CNOT1: variants seen among roughly 807,000 people sequenced by gnomAD.
CNOT1 encodes CCR4-NOT transcription complex subunit 1, also known as CCR4-associated factor 1.
Under a neutral mutation model 273.8 loss-of-function variants are expected in CNOT1, and 15 were observed. The ratio of observed to expected loss-of-function variants is 0.05; its 90% CI spans 0.04 to 0.08. CNOT1 has a LOEUF of 0.08. CNOT1 is among the 10% of genes least tolerant of loss of function. The pLI is 1.00. For missense variants in CNOT1, 1,644 were observed against 2,912.2 expected (o/e 0.56, Z 10.02); for synonymous variants, 1,022 against 1,005.5 (o/e 1.02, Z -0.31).
intron 38 of CNOT1, 74 bp downstream of exon 38, chr16:58,537,817 A>G: frequency 6.4e-7 from 1 of 1,572,838 alleles, no homozygotes; most frequent in Non-Finnish European, 8.7e-7. Context: ...AATGTTAGTA[A>G]GTCTGCATAT....
chr16:58,537,275 G>A (rs1423047137), intron 38 of CNOT1, 55 bp from the exon 39 acceptor site: 20 of 1,530,120 alleles, frequency 1.3e-5, no homozygotes, highest in Non-Finnish European at 1.8e-5. Context: ...TGATTTTACA[G>A]ACATACGCAT....
intron 31 of CNOT1, chr16:58,543,265 C>G: frequency 6.5e-7 from 1 of 1,544,144 alleles, no homozygotes; most frequent in Non-Finnish European, 8.7e-7. Context: ...CATTTTGTAT[C>G]GGCCTTCTCA....
In CNOT1 at chr16:58,530,608, T is replaced by C. The variant is rs186379029; in HGVS notation, c.6178-261A>G. ...GACCAGCCTGGCCAACATATTGAAA[T>C]CCTGTCTCAACTAAGAATACAAAAA... On this transcript the variant is annotated intron_variant, in intron 42 of 48. Transcript: ENST00000317147. The C allele has an allele frequency of 1.0e-3, 250 of 240,552 alleles. 3 individuals carry two copies. The East Asian group carries it at 0.018, about 17-fold the overall frequency. 14.9% of individuals were successfully genotyped at this position (240,552 alleles called of 1,614,324 possible).
Position 58,531,976 on chromosome 16 carries a change from T to G in CNOT1, c.6159A>C (p.Ala2053=), listed in dbSNP as rs1310202474. The change falls in exon 42 of 49, where the codon GCA becomes GCC. Residue 2053 remains alanine, a synonymous_variant. Coordinates refer to ENST00000317147, the MANE Select transcript of CNOT1 (RefSeq NM_016284.5). ...SHRIFIARML[A]HTPQQKGWPM... ...GCCACACCTTCTGCTGTGGCGTATGTGCCAGCATTCTTGCAATAAATATCC... is the reference window on the plus strand; with the variant it reads ...GCCACACCTTCTGCTGTGGCGTATGGGCCAGCATTCTTGCAATAAATATCC... 1 of 1,614,178 alleles carries G rather than the reference T, an allele frequency of 6.2e-7. No individual in the cohort carries two copies. Among genetic ancestry groups the G allele is most frequent in the Admixed American group, 1.7e-5 (1 of 60,028 alleles).
chr16:58,607,262 G>A (rs1223669756), intron 1 of CNOT1, among the ~76,000 whole-genome samples: 1 of 152,184 alleles, frequency 6.6e-6, no homozygotes, highest in African/African-American at 2.4e-5. Context: ...GTCAGAGCAT[G>A]AAAGATGGCT....
chr16:58,581,581 G>A, intron 10 of CNOT1, 66 bp from the exon 11 acceptor site: 1 of 1,454,212 alleles, frequency 6.9e-7, no homozygotes, highest in Non-Finnish European at 9.1e-7. Context: ...TTATCCAAAA[G>A]GCCAAATTAA....
intron 35 of CNOT1, 113 bp from the exon 36 acceptor site, chr16:58,539,027 T>C: frequency 6.9e-7 from 1 of 1,449,462 alleles, no homozygotes; most frequent in Non-Finnish European, 9.2e-7. Flanking sequence ...AAAGCCTCCC[T>C]GTCCTTTCCA....
intron 1 of CNOT1, among the ~76,000 whole-genome samples, chr16:58,602,104 T>G (rs375029608): frequency 6.6e-6 from 1 of 152,034 alleles, no homozygotes; most frequent in Admixed American, 6.6e-5. Flanking sequence ...GTTTCGCTCT[T>G]GTTTCCCAGG....
chr16:58,567,349 G>A (rs1471886206), intron 16 of CNOT1, among the ~76,000 whole-genome samples: 3 of 151,952 alleles, frequency 2.0e-5, no homozygotes, highest in Non-Finnish European at 4.4e-5. Context: ...CTGGCCGGGC[G>A]TGGTGGCTCA....
At chr16:58,524,248 G>GT (rs2039506943) in intron 46 of CNOT1, among the ~76,000 whole-genome samples, 1 of 37,840 alleles carries the variant, frequency 2.6e-5, no homozygotes, top group Admixed American at 3.6e-4. Flanking sequence ...AGACTCTATC[G>GT]CAAAAAAAAA....
chr16:58,581,237 T>A, intron 11 of CNOT1, 108 bp downstream of exon 11: 1 of 1,308,602 alleles, frequency 7.6e-7, no homozygotes. Flanking sequence ...GTGCTATGTA[T>A]AACAAATTCT....
chr16:58,623,270 T>C (rs987557132), intron 1 of CNOT1: 8 of 152,232 alleles, frequency 5.3e-5, no homozygotes, highest in African/African-American at 1.7e-4. Flanking sequence ...TAATATTTAT[T>C]GTGAGATATA....
chr16:58,549,924 G>T (rs1362201237), intron 24 of CNOT1, 26 bp from the exon 25 acceptor site: 2 of 1,612,390 alleles, frequency 1.2e-6, no homozygotes, highest in Admixed American at 1.7e-5. Context: ...GACATGGGAA[G>T]CACAGAATTA....
chr16:58,559,016 C>A (rs1008429437), intron 17 of CNOT1, among the ~76,000 whole-genome samples: 10 of 152,178 alleles, frequency 6.6e-5, no homozygotes, highest in African/African-American at 1.2e-4. Flanking sequence ...GGGGATGGGA[C>A]CCATGTCAAA....
intron 12 of CNOT1, among the ~76,000 whole-genome samples, chr16:58,579,684 C>T (rs1162202696): frequency 6.6e-6 from 1 of 152,080 alleles, no homozygotes; most frequent in Non-Finnish European, 1.5e-5. Context: ...ATTGAAGATA[C>T]ATTATGAACT....
In CNOT1 at chr16:58,530,237, G is replaced by A. The variant is rs746866648; in HGVS notation, c.6279+9C>T. The A allele has an allele frequency of 6.4e-7, 1 of 1,572,410 alleles. No homozygotes were observed. Among genetic ancestry groups the A allele is most frequent in the African/African-American group, 1.4e-5 (1 of 74,008 alleles). On this transcript the variant is annotated intron_variant, in intron 43 of 48. Coordinates refer to ENST00000317147, the MANE Select transcript of CNOT1 (RefSeq NM_016284.5). ...TTATTTTAATTTATAATAAATCCAA[G>A]TTAATTACCTTGTAGAGGATTTGCA...
chr16:58,599,463 C>T lies in CNOT1; in HGVS notation c.-126G>A, dbSNP rs984709643. On this transcript the variant is annotated 5_prime_UTR_variant, in exon 2 of 49. Coordinates refer to ENST00000317147, the MANE Select transcript of CNOT1 (RefSeq NM_016284.5). The stretch of plus-strand genomic sequence containing the variant: ...GCTATATCTGGTATCTGTATAATAT[C>T]TTCAGTTCTTCTTTACCAGGGGTCT... The T allele has an allele frequency of 6.2e-6, 7 of 1,126,000 alleles. No individual in the cohort carries two copies. The highest frequency in any genetic ancestry group is 7.5e-6 in the Non-Finnish European group (6 of 801,052). 69.8% of individuals were successfully genotyped at this position (1,126,000 alleles called of 1,614,324 possible). A position where few individuals can be genotyped will look rare whatever the true frequency, so the allele number is the denominator to read the frequency against.
chr16:58,588,740 C>T lies in CNOT1; in HGVS notation c.210+59G>A, dbSNP rs2041957642. On this transcript the variant is annotated intron_variant, in intron 3 of 48. Transcript: ENST00000317147. ...CGTGTCATATGCTACATACACTATG[C>T]CCAAAATTCATTTAACAATTACAGC... The T allele has an allele frequency of 1.9e-6, 3 of 1,576,864 alleles. No homozygotes were observed. The South Asian group carries it at 3.5e-5, about 18-fold the overall frequency.
chr16:58,533,116 T>G (rs1420660240), intron 40 of CNOT1: 1 of 152,266 alleles, frequency 6.6e-6, no homozygotes, highest in Non-Finnish European at 1.5e-5. Context: ...CTTTTTGTAT[T>G]TCGGTTAAGG....
Sources: allele counts gnomAD v4.1 joint callset (sites outside exome capture counted in the v4.1 genomes callset), GRCh38; gene constraint gnomAD v4.1.1; transcripts MANE v1.5; gene names NCBI Gene and HGNC (gene_info 2026-07-23, HGNC 2026-07-21).